Variants in PRKG1 observed in about 807,000 individuals in gnomAD.
The protein encoded by PRKG1 is cGMP-dependent protein kinase 1.
Under a neutral mutation model 88.1 loss-of-function variants are expected in PRKG1, and 35 were observed. The observed-to-expected ratio is 0.40, with a 90% CI of 0.30 to 0.53. The LOEUF (loss-of-function observed/expected upper bound fraction) is 0.53. Among genes scored for constraint, PRKG1 ranks in the 20% least tolerant of loss-of-function variants. PRKG1 has a pLI of 0.59. For synonymous variants in PRKG1, 303 were observed against 292.5 expected, an observed-to-expected ratio of 1.04 and a Z score of -0.37; for missense variants, 540 against 839.8, an observed-to-expected ratio of 0.64 and a Z score of 4.41.
At chr10:51,023,349 A>G (rs1473398471) in intron 1 of PRKG1, among the ~76,000 whole-genome samples, 1 of 152,210 alleles carries the variant, frequency 6.6e-6, no homozygotes, top group Non-Finnish European at 1.5e-5. Context: ...CAGCCTGAAC[A>G]CTGTCTTTTA....
intron 3 of PRKG1, among the ~76,000 whole-genome samples, chr10:51,799,529 G>A (rs865993569): frequency 6.6e-6 from 1 of 151,880 alleles, no homozygotes; most frequent in Non-Finnish European, 1.5e-5. Flanking sequence ...TGGCATACTT[G>A]ATTCTGGAGC....
intron 4 of PRKG1, among the ~76,000 whole-genome samples, chr10:51,867,227 A>T (rs1021294836): frequency 2.0e-4 from 31 of 152,290 alleles, no homozygotes; most frequent in African/African-American, 7.5e-4. Flanking sequence ...GAATATTGAG[A>T]CTATAAAGGC....
chr10:51,454,324 A>G (rs1839521081), intron 2 of PRKG1, among the ~76,000 whole-genome samples: 1 of 152,114 alleles, frequency 6.6e-6, no homozygotes, highest in Admixed American at 6.6e-5. Flanking sequence ...TGGAGGTATC[A>G]CATTACCCAA....
rs143386423 is a variant in PRKG1, at chr10:52,286,187, A to G, written c.1710-2539A>G. On this transcript the variant is annotated intron_variant, in intron 14 of 17. Transcript: ENST00000373980. ...ATAGTCTTATTGGCATCAAAGCCATAAAAACACGGCATGTGTGGTATTGGG... is the reference window on the plus strand; with the variant it reads ...ATAGTCTTATTGGCATCAAAGCCATGAAAACACGGCATGTGTGGTATTGGG... 3.7e-4 allele frequency among the ~76,000 whole-genome samples: 56 copies of G among 152,232 alleles called. No homozygotes were observed. The South Asian group carries it at 0.011, about 29-fold the overall frequency.
chr10:51,220,840 G>A (rs11814659), intron 2 of PRKG1, among the ~76,000 whole-genome samples: 4,168 of 151,962 alleles, frequency 0.027, 75 homozygotes, highest in Non-Finnish European at 0.04. Flanking sequence ...TGGAGAAGAG[G>A]GAATGAGGTG....
chr10:51,027,153 A>G (rs1589113311), intron 1 of PRKG1, among the ~76,000 whole-genome samples: 2 of 152,216 alleles, frequency 1.3e-5, no homozygotes, highest in Admixed American at 1.3e-4. Context: ...GTGGCTGCCC[A>G]GGTTGCAAAC....
intron 2 of PRKG1, among the ~76,000 whole-genome samples, chr10:51,339,212 C>G (rs1299876243): frequency 6.6e-6 from 1 of 152,004 alleles, no homozygotes; most frequent in Non-Finnish European, 1.5e-5. Context: ...CTTAAAGGCT[C>G]AAGTTGTTTG....
At chr10:51,143,629 CA>C (rs1207619982) in intron 1 of PRKG1, among the ~76,000 whole-genome samples, 1 of 152,036 alleles carries the variant, frequency 6.6e-6, no homozygotes, top group Non-Finnish European at 1.5e-5. Flanking sequence ...ACCATGTCAA[CA>C]CTTGTTATCT....
intron 8 of PRKG1, among the ~76,000 whole-genome samples, chr10:52,139,038 C>T (rs1343349136): frequency 6.6e-6 from 1 of 151,972 alleles, no homozygotes; most frequent in Non-Finnish European, 1.5e-5. Flanking sequence ...AAAGACTATT[C>T]CTTGACACCC....
intron 7 of PRKG1, among the ~76,000 whole-genome samples, chr10:52,089,943 T>C (rs1847013251): frequency 6.6e-6 from 1 of 150,504 alleles, no homozygotes; most frequent in African/African-American, 2.4e-5. Flanking sequence ...GCCTCCCGAG[T>C]AGCTGGAACT....
chr10:51,717,479 C>T lies in PRKG1; in HGVS notation c.593-87106C>T, dbSNP rs113192283. 3.5e-3 allele frequency among the ~76,000 whole-genome samples: 528 copies of T among 152,192 alleles called. 4 individuals are homozygous for T. Among genetic ancestry groups the T allele is most frequent in the African/African-American group, 0.012 (513 of 41,500 alleles). ...CTTTGTGCTTAACTCCAGGCACATC[C>T]CTAGATTACAGTATGAAATTTATGA... is the stretch of plus-strand genomic sequence containing the variant. On this transcript the variant is annotated intron_variant, in intron 3 of 17. Transcript: ENST00000373980.
intron 1 of PRKG1, among the ~76,000 whole-genome samples, chr10:51,135,691 G>A (rs934503231): frequency 6.6e-6 from 1 of 152,068 alleles, no homozygotes; most frequent in Admixed American, 6.6e-5. Context: ...TAATAACAAT[G>A]TGATTAACCG....
At chr10:51,691,293 G>T (rs1165385964) in intron 3 of PRKG1, among the ~76,000 whole-genome samples, 2 of 149,984 alleles carry the variant, frequency 1.3e-5, no homozygotes, top group Non-Finnish European at 3.0e-5. Context: ...TTGCTAAACA[G>T]GTTTTTCTTT....
At position 52,294,193 on chromosome 10, in the gene PRKG1, A is replaced by T; in HGVS notation, c.*293A>T. ...GTTGCAATGACCTTGCTTTGCTCTGATTATAATTTGAAAGACTGTAGGAAA... is the reference window on the plus strand; with the variant it reads ...GTTGCAATGACCTTGCTTTGCTCTGTTTATAATTTGAAAGACTGTAGGAAA... On this transcript the variant is annotated 3_prime_UTR_variant, in exon 18 of 18. Coordinates refer to ENST00000373980, the MANE Select transcript of PRKG1 (RefSeq NM_006258.4). The T allele has an allele frequency of 3.6e-6, 1 of 274,018 alleles. No individual in the cohort carries two copies. Among genetic ancestry groups the T allele is most frequent in the Non-Finnish European group, 6.9e-6 (1 of 145,546 alleles). The allele number at this position is 274,018 out of a possible 1,614,324, so 17.0% of individuals were successfully genotyped here.
intron 2 of PRKG1, among the ~76,000 whole-genome samples, chr10:51,181,442 C>G (rs1426304929): frequency 6.6e-6 from 1 of 150,560 alleles, no homozygotes. Context: ...GGGGTTTCAC[C>G]TTGTTAGCCA....
At chr10:51,835,772 C>T (rs1840116132) in intron 4 of PRKG1, among the ~76,000 whole-genome samples, 1 of 152,164 alleles carries the variant, frequency 6.6e-6, no homozygotes, top group African/African-American at 2.4e-5. Flanking sequence ...ATTGCTGGAT[C>T]ATATGGTAGT....
At chr10:51,280,366 AG>A (rs1840258801) in intron 2 of PRKG1, among the ~76,000 whole-genome samples, 1 of 152,010 alleles carries the variant, frequency 6.6e-6, no homozygotes, top group Non-Finnish European at 1.5e-5. Flanking sequence ...GCTCTTCTTG[AG>A]GAGTATCTTT....
At position 52,251,597 on chromosome 10, in the gene PRKG1, C is replaced by T. The variant is rs777301635; in HGVS notation, c.1104C>T (p.Ala368=). 6.2e-7 allele frequency: 1 copy of T among 1,613,584 alleles called. No homozygotes were observed. Residue 368 remains alanine (A), a synonymous_variant, in exon 10 of 18, where the codon GCC becomes GCT. Transcript: ENST00000373980. The stretch of plus-strand genomic sequence containing the variant: ...ATGAAGCTGAAGCGGCTTTCTTCGC[C>T]AACCTGAAGCTGTCTGATTTCAACA... ...AKYEAEAAFF[A]NLKLSDFNII...
intron 5 of PRKG1, among the ~76,000 whole-genome samples, chr10:51,986,984 A>G (rs1844176280): frequency 6.6e-6 from 1 of 152,170 alleles, no homozygotes; most frequent in African/African-American, 2.4e-5. Flanking sequence ...ATAAATAAGA[A>G]AAGCTTATCA....
Sources: gnomAD v4.1 joint callset for allele counts (sites outside exome capture counted in the v4.1 genomes callset) on GRCh38, gnomAD v4.1.1 for gene constraint, MANE v1.5 for transcripts, NCBI Gene and HGNC (gene_info 2026-07-23, HGNC 2026-07-21) for gene names.